The following EVC variants were observed in gnomAD, a reference collection of about 807,000 sequenced individuals.
EVC encodes evC complex member EVC.
EVC carries 116 observed loss-of-function variants against 118.9 expected under a neutral mutation model. The observed-to-expected ratio is 0.98, with a 90% CI of 0.84 to 1.14. The LOEUF is 1.14. Among genes scored for constraint, EVC ranks in the 50% most tolerant of loss-of-function variants. The probability of loss-of-function intolerance (pLI) is 0.00; values close to 1 mark genes in which losing one functional copy is unlikely to be tolerated. For synonymous variants in EVC, 619 were observed against 534.7 expected (o/e 1.16, Z -2.18); for missense variants, 1,401 against 1,246.4 (o/e 1.12, Z -1.87).
Position 5,719,128 on chromosome 4 carries a change from C to T in EVC, c.175-120C>T, listed in dbSNP as rs41269545. On this transcript the variant is annotated intron_variant, in intron 1 of 20. Transcript: ENST00000264956. This position sits in a 1 kb window ranked among gnomAD's most constrained non-coding sequence, Gnocchi z 4.7. The stretch of plus-strand genomic sequence containing the variant: ...AGACCAAGCTTGAGAAGCACAGAGG[C>T]GAGCAGAAGTGGCTGCTGGACTGGG... The T allele has an allele frequency of 0.01, 13,716 of 1,321,082 alleles. 108 individuals are homozygous for T. The highest frequency in any genetic ancestry group is 0.014 in the Non-Finnish European group (12,553 of 922,180). 81.8% of individuals were successfully genotyped at this position (1,321,082 alleles called of 1,614,324 possible). A position where few individuals can be genotyped will look rare whatever the true frequency, so the allele number is the denominator to read the frequency against.
intron 11 of EVC, among the ~76,000 whole-genome samples, chr4:5,779,200 A>C (rs1735212050): frequency 7.1e-6 from 1 of 141,030 alleles, no homozygotes; most frequent in African/African-American, 2.7e-5. Flanking sequence ...ATTGATCTAT[A>C]TCTCTGTTTT....
intron 11 of EVC, among the ~76,000 whole-genome samples, chr4:5,762,225 A>G (rs1343463206): frequency 8.2e-6 from 1 of 122,050 alleles, no homozygotes; most frequent in African/African-American, 3.0e-5. Context: ...TACAAAGGTA[A>G]TGAACTCATC....
chr4:5,785,348 C>T (rs1388284755), intron 12 of EVC, among the ~76,000 whole-genome samples: 3 of 152,196 alleles, frequency 2.0e-5, no homozygotes, highest in Non-Finnish European at 2.9e-5. Context: ...CCTGCCCCTA[C>T]ATGCTTATTG....
intron 14 of EVC, 135 bp downstream of exon 14, chr4:5,797,367 G>A: frequency 2.6e-6 from 2 of 762,620 alleles, no homozygotes; most frequent in Non-Finnish European, 4.5e-6. Flanking sequence ...ATTCGCCGGG[G>A]CTGCCATAGC....
Position 5,805,099 on chromosome 4 carries a change from G to A in EVC, c.2561+258G>A, listed in dbSNP as rs73795095. 9.1e-3 allele frequency among the ~76,000 whole-genome samples: 1,378 copies of A among 152,238 alleles called. 22 individuals carry two copies. Among genetic ancestry groups the A allele is most frequent in the African/African-American group, 0.032 (1,311 of 41,530 alleles). ...AGGTTTAAGTGGCATTCACAGCCCG[G>A]ACACAGGTCTAAGCCATGTTTAGAC... On this transcript the variant is annotated intron_variant, in intron 17 of 20. Transcript: ENST00000264956.
In EVC at chr4:5,748,152, A is replaced by T. The variant is rs1387932988; in HGVS notation, c.944A>T (p.Glu315Val). The T allele has an allele frequency of 1.2e-6, 2 of 1,614,192 alleles. No homozygotes were observed. Among genetic ancestry groups the T allele is most frequent in the Non-Finnish European group, 1.7e-6 (2 of 1,180,018 alleles). Residue 315 changes from glutamate to valine, a missense_variant, in exon 8 of 21, where the codon GAA becomes GTA. Coordinates refer to ENST00000264956, the MANE Select transcript of EVC (RefSeq NM_153717.3). ...EYSEQLIDNM[E>V]AFWKQMANIQ... Reference sequence around the variant, plus strand: ...CTGCTTGTGCTCATTTCACAGATGGAAGCTTTCTGGAAACAGATGGCAAAT... The same window carrying T: ...CTGCTTGTGCTCATTTCACAGATGGTAGCTTTCTGGAAACAGATGGCAAAT...
intron 12 of EVC, among the ~76,000 whole-genome samples, chr4:5,788,491 T>C (rs918291342): frequency 2.0e-5 from 3 of 152,226 alleles, no homozygotes; most frequent in Admixed American, 6.5e-5. Flanking sequence ...ATTTAGATGA[T>C]TGATAGACAT....
At chr4:5,810,871 T>G in intron 20 of EVC, 82 bp from the exon 21 acceptor site, 1 of 1,315,194 alleles carries the variant, frequency 7.6e-7, no homozygotes, top group Non-Finnish European at 1.1e-6. Flanking sequence ...GCATTTTCAT[T>G]TAATCCGATT....
At chr4:5,714,082 G>C (rs572761528) in intron 1 of EVC, among the ~76,000 whole-genome samples, 42 of 152,184 alleles carry the variant, frequency 2.8e-4, no homozygotes, top group African/African-American at 9.4e-4. Flanking sequence ...CTGCACATCT[G>C]TTCTCTCCGC....
At position 5,711,387 on chromosome 4, in the gene EVC, C is replaced by A; in HGVS notation, c.7C>A (p.Arg3Ser). Residue 3 changes from arginine to serine, a missense_variant, in exon 1 of 21, where the codon CGC becomes AGC. Transcript: ENST00000264956. MA[R>S]GGAACKSDAR... is the part of the protein sequence containing the mutation. ...GGCAGCCTGAGCGCCCCGGATGGCC[C>A]GCGGCGGGGCGGCCTGCAAGAGCGA... The A allele has an allele frequency of 9.9e-7, 1 of 1,011,330 alleles. No individual in the cohort carries two copies. The highest frequency in any genetic ancestry group is 1.2e-6 in the Non-Finnish European group (1 of 849,450). 62.6% of individuals were successfully genotyped at this position (1,011,330 alleles called of 1,614,324 possible).
Position 5,711,534 on chromosome 4 carries a change from C to T in EVC, c.154C>T (p.Arg52Cys), listed in dbSNP as rs932851648. ...LGLWLGCRAG[R>C]QRTRHQKDDT... ...CCTTTGGCTTGGCTGCCGCGCGGGC[C>T]GCCAGCGCACGCGACACCAGGTGGG... is the stretch of plus-strand genomic sequence containing the variant. Residue 52 changes from arginine (R) to cysteine (C), a missense_variant, in exon 1 of 21, where the codon CGC becomes TGC. By Grantham distance (180) the Arg-to-Cys change is radical. Transcript: ENST00000264956. 4.3e-5 allele frequency: 50 copies of T among 1,170,376 alleles called. 1 individual carries two copies. The African/African-American group carries it at 7.7e-4, about 18-fold the overall frequency. The allele number at this position is 1,170,376 out of a possible 1,614,324, so 72.5% of individuals were successfully genotyped here. A position where few individuals can be genotyped will look rare whatever the true frequency, so the allele number is the denominator to read the frequency against.
At chr4:5,784,804 C>T (rs1209812409) in intron 12 of EVC, among the ~76,000 whole-genome samples, 1 of 152,054 alleles carries the variant, frequency 6.6e-6, no homozygotes. Context: ...GAAGGGGTTT[C>T]ATCATGGTGG....
At chr4:5,759,720 G>A (rs1232617561) in intron 11 of EVC, among the ~76,000 whole-genome samples, 4 of 152,194 alleles carry the variant, frequency 2.6e-5, no homozygotes, top group African/African-American at 9.7e-5. Context: ...GCTGCAAAGG[G>A]TAAGCCAAGC....
rs1717172289 is a variant in EVC, at chr4:5,813,089, T to TCCTCACCCATCAGC, written c.*2054_*2067dup. 1 of 152,226 alleles carries TCCTCACCCATCAGC rather than the reference T, an allele frequency of 6.6e-6. No homozygotes were observed. Among genetic ancestry groups the TCCTCACCCATCAGC allele is most frequent in the South Asian group, 2.1e-4 (1 of 4,834 alleles). The allele number at this position is 152,226 out of a possible 1,614,324, so 9.4% of individuals were successfully genotyped here. On this transcript the variant is annotated 3_prime_UTR_variant, in exon 21 of 21. Transcript: ENST00000264956. Reference sequence around the variant, plus strand: ...TAATCATCAGAGCGCTTCCTTCAGTTCCTCACCCATCAGCCAGTGGGCTCT... The same window carrying TCCTCACCCATCAGC: ...TAATCATCAGAGCGCTTCCTTCAGTTCCTCACCCATCAGCCCTCACCCATCAGCCAGTGGGCTCT...
intron 11 of EVC, among the ~76,000 whole-genome samples, chr4:5,777,258 C>A (rs74999289): frequency 0.011 from 1,685 of 152,246 alleles, 46 homozygotes; most frequent in African/African-American, 0.038. Flanking sequence ...ATATCCTGGG[C>A]AATCTAAATA....
intron 11 of EVC, among the ~76,000 whole-genome samples, chr4:5,780,913 C>G (rs1255346534): frequency 1.3e-5 from 2 of 152,198 alleles, no homozygotes; most frequent in Non-Finnish European, 2.9e-5. Context: ...TTTCCAGAAT[C>G]CTCTCCCCAT....
At chr4:5,788,111 C>G (rs1341227117) in intron 12 of EVC, among the ~76,000 whole-genome samples, 2 of 152,192 alleles carry the variant, frequency 1.3e-5, no homozygotes, top group Admixed American at 6.5e-5. Context: ...CATGCACTGT[C>G]TCAGTGATCC....
chr4:5,734,719 G>C (rs182056899), intron 5 of EVC, among the ~76,000 whole-genome samples: 1 of 152,222 alleles, frequency 6.6e-6, no homozygotes, highest in Non-Finnish European at 1.5e-5. Context: ...GGCTCTGTGT[G>C]AGCAGGACTG....
chr4:5,785,532 G>A (rs2152297427), intron 12 of EVC, among the ~76,000 whole-genome samples: 1 of 152,326 alleles, frequency 6.6e-6, no homozygotes, highest in East Asian at 1.9e-4. Flanking sequence ...CAGCTGTGGG[G>A]ACAGGCACAG....
Sources: gnomAD v4.1 joint callset for allele counts (sites outside exome capture counted in the v4.1 genomes callset) on GRCh38, gnomAD v4.1.1 for gene constraint, Gnocchi (gnomAD v3.1) non-coding constraint, MANE v1.5 for transcripts, NCBI Gene and HGNC (gene_info 2026-07-23, HGNC 2026-07-21) for gene names.